UBR3: variants seen among roughly 807,000 people sequenced by gnomAD.
The protein encoded by UBR3 is ubiquitin protein ligase E3 component n-recognin 3.
In UBR3, 85 loss-of-function variants were observed where a neutral mutation model predicts 243.2. The ratio of observed to expected loss-of-function variants is 0.35; its 90% CI spans 0.29 to 0.42. UBR3 has a LOEUF of 0.42. Ranked by LOEUF, UBR3 falls within the 10% of genes least tolerant of loss-of-function variation. UBR3 has a pLI of 1.00. For synonymous variants in UBR3, 748 were observed against 799.8 expected (o/e 0.94, Z 1.09); for missense variants, 1,686 against 2,300.8 (o/e 0.73, Z 5.47).
At chr2:170,015,658 C>G (rs2090214788) in intron 30 of UBR3, among the ~76,000 whole-genome samples, 1 of 151,712 alleles carries the variant, frequency 6.6e-6, no homozygotes, top group South Asian at 2.1e-4. Context: ...CTTTAATTCT[C>G]TTAAAGAATT....
intron 1 of UBR3, among the ~76,000 whole-genome samples, chr2:169,845,499 TCA>T (rs1559012017): frequency 0.042 from 1,654 of 39,018 alleles, 43 homozygotes; most frequent in African/African-American, 0.08. Flanking sequence ...CTCTTCGTCG[TCA>T]TCGTCGTCGT....
chr2:170,067,047 G>A lies in UBR3; in HGVS notation c.5019+5604G>A, dbSNP rs144475026. ...TTATCCTCATTTTCCAGACAAGGAAGCAGGCGCACAGAGATGAAGTAACTT... is the reference window on the plus strand; with the variant it reads ...TTATCCTCATTTTCCAGACAAGGAAACAGGCGCACAGAGATGAAGTAACTT... On this transcript the variant is annotated intron_variant, in intron 35 of 38. Coordinates refer to ENST00000272793, the MANE Select transcript of UBR3 (RefSeq NM_172070.4). 2.0e-5 allele frequency among the ~76,000 whole-genome samples: 3 copies of A among 151,162 alleles called. No individual in the cohort carries two copies. The East Asian group carries it at 5.8e-4, about 29-fold the overall frequency.
chr2:170,078,967 T>C (rs2105461763), intron 36 of UBR3, among the ~76,000 whole-genome samples: 1 of 152,280 alleles, frequency 6.6e-6, no homozygotes, highest in East Asian at 1.9e-4. Context: ...CATGAACTTG[T>C]TGATGAGGAA....
At chr2:169,903,838 T>C (rs550752958) in intron 8 of UBR3, among the ~76,000 whole-genome samples, 1 of 152,240 alleles carries the variant, frequency 6.6e-6, no homozygotes, top group Admixed American at 6.5e-5. Flanking sequence ...GTGGGCAACA[T>C]AGTGAGACCC....
At chr2:169,984,442 G>A (rs867717631) in intron 24 of UBR3, among the ~76,000 whole-genome samples, 2 of 152,150 alleles carry the variant, frequency 1.3e-5, no homozygotes, top group South Asian at 2.1e-4. Flanking sequence ...AGAGTAACCA[G>A]TATCATTACT....
chr2:169,981,683 G>A (rs561419903), intron 24 of UBR3, among the ~76,000 whole-genome samples: 18 of 152,110 alleles, frequency 1.2e-4, no homozygotes, highest in African/African-American at 4.3e-4. Context: ...TGTCAATATT[G>A]TATCAATAAA....
chr2:169,918,643 G>T (rs73972678), intron 11 of UBR3, among the ~76,000 whole-genome samples: 8,675 of 152,040 alleles, frequency 0.057, 463 homozygotes, highest in African/African-American at 0.14. Context: ...TTGAACTGAA[G>T]TAAGCCAGAT....
Position 169,827,760 on chromosome 2 carries a change from G to T in UBR3, c.253G>T (p.Ala85Ser), listed in dbSNP as rs1428260368. 9 of 1,292,044 alleles carry T rather than the reference G, an allele frequency of 7.0e-6. No individual in the cohort carries two copies. Among genetic ancestry groups the T allele is most frequent in the Non-Finnish European group, 8.8e-6 (9 of 1,017,638 alleles). The allele number at this position is 1,292,044 out of a possible 1,614,324, so 80.0% of individuals were successfully genotyped here. A position where few individuals can be genotyped will look rare whatever the true frequency, so the allele number is the denominator to read the frequency against. The change falls in exon 1 of 39, where the codon GCG becomes TCG. Residue 85 changes from alanine (A) to serine (S), a missense_variant. Ala to Ser is a moderately conservative substitution (Grantham distance 99). Coordinates refer to ENST00000272793, the MANE Select transcript of UBR3 (RefSeq NM_172070.4). The part of the protein sequence containing the change: ...AAAGGGGGPG[A>S]AEEEALEWCK... ...GGCCGGAGGCGGGGGCGGTCCGGGG[G>T]CGGCCGAGGAGGAGGCCCTGGAGTG...
At chr2:170,003,578 A>G (rs1221188314) in intron 27 of UBR3, among the ~76,000 whole-genome samples, 1 of 152,106 alleles carries the variant, frequency 6.6e-6, no homozygotes, top group African/African-American at 2.4e-5. Flanking sequence ...TTTACTATGT[A>G]TTACGTAAGA....
At chr2:170,074,440 A>G (rs1172134311) in intron 36 of UBR3, among the ~76,000 whole-genome samples, 2 of 152,122 alleles carry the variant, frequency 1.3e-5, no homozygotes, top group South Asian at 2.1e-4. Context: ...CCCATTGCCT[A>G]TGGAAGAAGG....
chr2:169,983,562 T>C (rs1430840799), intron 24 of UBR3, among the ~76,000 whole-genome samples: 2 of 152,044 alleles, frequency 1.3e-5, no homozygotes, highest in Admixed American at 1.3e-4. Flanking sequence ...GCGCCCATCC[T>C]CCACATTCTC....
At chr2:169,981,828 AAAG>A (rs1236746186) in intron 24 of UBR3, among the ~76,000 whole-genome samples, 5 of 151,770 alleles carry the variant, frequency 3.3e-5, no homozygotes, top group African/African-American at 1.2e-4. Context: ...ATTTTTTAAA[AAAG>A]AAAGCGAATA....
chr2:169,922,430 AT>A (rs2085740907), intron 11 of UBR3, among the ~76,000 whole-genome samples: 1 of 152,110 alleles, frequency 6.6e-6, no homozygotes, highest in South Asian at 2.1e-4. Flanking sequence ...ACTTTTTAAA[AT>A]TTTATTTTTA....
At chr2:169,914,360 A>G (rs190492774) in intron 11 of UBR3, among the ~76,000 whole-genome samples, 7 of 152,310 alleles carry the variant, frequency 4.6e-5, no homozygotes, top group Non-Finnish European at 1.0e-4. Flanking sequence ...GCGCACTAAT[A>G]TGTCTGCTTA....
At chr2:169,931,299 C>T (rs1041897538) in intron 18 of UBR3, among the ~76,000 whole-genome samples, 3 of 141,554 alleles carry the variant, frequency 2.1e-5, no homozygotes, top group Admixed American at 7.5e-5. Context: ...TGCAGTGAGC[C>T]GAGATCGCGC....
intron 35 of UBR3, among the ~76,000 whole-genome samples, chr2:170,069,214 G>A (rs772183881): frequency 1.3e-5 from 2 of 151,988 alleles, no homozygotes; most frequent in Non-Finnish European, 1.5e-5. Flanking sequence ...AGAAGCAAAA[G>A]CCTTCACAAA....
chr2:170,048,588 T>C (rs947251214), intron 32 of UBR3, among the ~76,000 whole-genome samples: 4 of 152,234 alleles, frequency 2.6e-5, no homozygotes, highest in African/African-American at 9.6e-5. Context: ...GATTCCCAGC[T>C]TGCTGATGGC....
At chr2:170,070,374 A>G (rs1375425740) in intron 35 of UBR3, among the ~76,000 whole-genome samples, 1 of 152,188 alleles carries the variant, frequency 6.6e-6, no homozygotes, top group East Asian at 1.9e-4. Context: ...GAGCATATCA[A>G]AAACTATTAG....
At chr2:169,972,106 T>C (rs868161332) in intron 24 of UBR3, among the ~76,000 whole-genome samples, 2 of 152,194 alleles carry the variant, frequency 1.3e-5, no homozygotes, top group Admixed American at 6.5e-5. Flanking sequence ...CCCACAGAAA[T>C]ACAAACTACC....
Sources: gnomAD v4.1 joint callset for allele counts (sites outside exome capture counted in the v4.1 genomes callset) on GRCh38, gnomAD v4.1.1 for gene constraint, MANE v1.5 for transcripts, NCBI Gene and HGNC (gene_info 2026-07-23, HGNC 2026-07-21) for gene names.